Variants in SEPTIN9 observed in about 807,000 individuals in gnomAD.
SEPTIN9 encodes septin-9.
In SEPTIN9, 13 loss-of-function variants were observed where a neutral mutation model predicts 56.6. That is an observed-to-expected ratio of 0.23 (90% CI 0.15 to 0.37). SEPTIN9 has a LOEUF of 0.37. SEPTIN9 is among the 10% of genes least tolerant of loss of function. SEPTIN9 has a pLI of 1.00. For missense variants in SEPTIN9, 650 were observed against 823.1 expected (o/e 0.79, Z 2.57); for synonymous variants, 332 against 334.1 (o/e 0.99, Z 0.07).
chr17:77,301,394 TTGTGTGTG>T (rs56947697), intron 1 of SEPTIN9, among the ~76,000 whole-genome samples: 8,057 of 142,440 alleles, frequency 0.057, 249 homozygotes, highest in South Asian at 0.079. Context: ...GGGAATAGAT[TTGTGTGTG>T]TGTGTGTGTG....
intron 3 of SEPTIN9, among the ~76,000 whole-genome samples, chr17:77,441,311 C>T (rs1468129982): frequency 6.6e-6 from 1 of 152,236 alleles, no homozygotes; most frequent in East Asian, 1.9e-4. Context: ...TGCCAGATAG[C>T]CTGAGCAGCC....
At chr17:77,350,515 C>T (rs975566731) in intron 2 of SEPTIN9, among the ~76,000 whole-genome samples, 7 of 152,130 alleles carry the variant, frequency 4.6e-5, no homozygotes, top group African/African-American at 1.4e-4. Context: ...CTTCCAGTAA[C>T]GCAGACTTCT....
chr17:77,378,723 C>T (rs1308249144), intron 2 of SEPTIN9, among the ~76,000 whole-genome samples: 1 of 152,156 alleles, frequency 6.6e-6, no homozygotes, highest in African/African-American at 2.4e-5. Context: ...CTCAGGCTCC[C>T]AGTGCAGCCA....
intron 3 of SEPTIN9, among the ~76,000 whole-genome samples, chr17:77,461,475 A>T (rs1239646634): frequency 1.3e-5 from 2 of 152,040 alleles, no homozygotes; most frequent in Non-Finnish European, 2.9e-5. Context: ...ATGTTCCTAG[A>T]CTCGGGCTGG....
rs148824139 is a variant in SEPTIN9 at position 77,449,763 on chromosome 17, C to G, written c.722-32381C>G. On this transcript the variant is annotated intron_variant, in intron 3 of 11. Transcript: ENST00000427177. This position sits in a 1 kb window ranked among gnomAD's most constrained non-coding sequence, Gnocchi z 4.6. ...CAGTGGAAAAGACAGGCTCTTCTCA[C>G]TCCCAGTGCTGGGGAAATTAGCTTC... 8.6e-3 allele frequency among the ~76,000 whole-genome samples: 1,309 copies of G among 152,280 alleles called. 25 individuals are homozygous for G. Among genetic ancestry groups the G allele is most frequent in the South Asian group, 0.059 (283 of 4,824 alleles).
chr17:77,475,782 A>C lies in SEPTIN9; in HGVS notation c.722-6362A>C, dbSNP rs1242237922. 1.2e-6 allele frequency: 2 copies of C among 1,613,274 alleles called. No homozygotes were observed. The highest frequency in any genetic ancestry group is 1.3e-5 in the African/African-American group (1 of 75,056). ...CTGGACACGGGCCTGGAAGGCTGAC[A>C]GGGTGTGGTGAGTGCCACCGGCTCC... On this transcript the variant is annotated intron_variant, in intron 3 of 11. Transcript: ENST00000427177. The surrounding 1 kb of genome is among the most constrained non-coding windows in gnomAD (Gnocchi z 4.6).
chr17:77,376,342 G>A lies in SEPTIN9; in HGVS notation c.77-25717G>A, dbSNP rs115026544. On this transcript the variant is annotated intron_variant, in intron 2 of 11. Transcript: ENST00000427177. ...TGGGAATGGGCGCAGGAGCAGCGCCGTGGGAGCACAGGTCTCTTTCCCGGG... is the reference window on the plus strand; with the variant it reads ...TGGGAATGGGCGCAGGAGCAGCGCCATGGGAGCACAGGTCTCTTTCCCGGG... The A allele has an allele frequency of 1.3e-3, 1,322 of 985,724 alleles. 12 individuals carry two copies. In the African/African-American group the frequency reaches 0.019, roughly 14 times the overall value. 61.1% of individuals were successfully genotyped at this position (985,724 alleles called of 1,614,324 possible).
rs1180250161 is a variant in SEPTIN9 at position 77,395,190 on chromosome 17, A to G, written c.77-6869A>G. Among the ~76,000 whole-genome samples the G allele has an allele frequency of 2.0e-5, 3 of 151,882 alleles. No individual in the cohort carries two copies. In the East Asian group the frequency reaches 5.8e-4, roughly 29 times the overall value. ...CAGGTTCCCAAAGTGCTGGGATTAT[A>G]GGTGTGAGCCACCATGCCCAGCCAG... is the stretch of plus-strand genomic sequence containing the variant. On this transcript the variant is annotated intron_variant, in intron 2 of 11. Coordinates refer to ENST00000427177, the MANE Select transcript of SEPTIN9 (RefSeq NM_001113491.2).
At chr17:77,491,805 CAAAAAAAAAAA>C (rs35233871) in intron 8 of SEPTIN9, among the ~76,000 whole-genome samples, 2 of 59,586 alleles carry the variant, frequency 3.4e-5, no homozygotes, top group Non-Finnish European at 6.3e-5. Context: ...GACTCCATCT[CAAAAAAAAAAA>C]AAAAAAAAAA....
At chr17:77,297,946 G>A (rs2031887853) in intron 1 of SEPTIN9, among the ~76,000 whole-genome samples, 2 of 152,208 alleles carry the variant, frequency 1.3e-5, no homozygotes, top group Admixed American at 1.3e-4. Flanking sequence ...AGCCAGCAGT[G>A]CAAGGACTAG....
intron 1 of SEPTIN9, among the ~76,000 whole-genome samples, chr17:77,297,030 G>A (rs568275143): frequency 1.1e-4 from 16 of 152,264 alleles, no homozygotes; most frequent in African/African-American, 3.9e-4. Flanking sequence ...GGATGGGTGG[G>A]TAGATAGGCA....
chr17:77,498,934 G>T lies in SEPTIN9; in HGVS notation c.*276G>T, dbSNP rs2143495146. The T allele has an allele frequency of 3.6e-6, 2 of 562,350 alleles. No homozygotes were observed. Among genetic ancestry groups the T allele is most frequent in the South Asian group, 3.1e-5 (2 of 65,478 alleles). 34.8% of individuals were successfully genotyped at this position (562,350 alleles called of 1,614,324 possible). On this transcript the variant is annotated 3_prime_UTR_variant, in exon 12 of 12. Coordinates refer to ENST00000427177, the MANE Select transcript of SEPTIN9 (RefSeq NM_001113491.2). ...GACATGACCCTCTGTCCCCAGGCCT[G>T]GCTCCCCGAGGGCTCAGAAGAGCAG...
chr17:77,402,424 C>G lies in SEPTIN9; in HGVS notation c.442C>G (p.Arg148Gly), dbSNP rs544797046. The G allele has an allele frequency of 1.2e-6, 2 of 1,610,472 alleles. No homozygotes were observed. The highest frequency in any genetic ancestry group is 1.3e-5 in the African/African-American group (1 of 74,976). ...LGHKTPEPAPRRTEITIVKPQ... is the reference protein window; with the variant it reads ...LGHKTPEPAPGRTEITIVKPQ... ...CCACAAGACGCCAGAACCGGCCCCT[C>G]GGAGGACGGAGATCACCATCGTCAA... Residue 148 changes from arginine (R) to glycine (G), a missense_variant, in exon 3 of 12, where the codon CGG (arginine) becomes GGG (glycine). Physicochemically the swap from Arg to Gly is moderately radical, Grantham distance 125 (BLOSUM62 -2). Transcript: ENST00000427177. This position sits in a 1 kb window ranked among gnomAD's most constrained non-coding sequence, Gnocchi z 6.6.
intron 1 of SEPTIN9, among the ~76,000 whole-genome samples, chr17:77,284,267 C>T (rs1247619418): frequency 6.6e-6 from 1 of 152,180 alleles, no homozygotes; most frequent in African/African-American, 2.4e-5. Context: ...ATAGACACGG[C>T]ACTCCAGCCT....
chr17:77,355,981 C>CAAAAAAAA (rs766969712), intron 2 of SEPTIN9, among the ~76,000 whole-genome samples: 5 of 92,396 alleles, frequency 5.4e-5, no homozygotes, highest in Admixed American at 2.4e-4. Flanking sequence ...GACTCCGTCT[C>CAAAAAAAA]AAAAAAAAAA....
intron 2 of SEPTIN9, among the ~76,000 whole-genome samples, chr17:77,338,797 T>C (rs1386066794): frequency 1.3e-5 from 2 of 152,258 alleles, no homozygotes; most frequent in Non-Finnish European, 2.9e-5. Flanking sequence ...CGCATTATGT[T>C]TGATAGCATC....
intron 2 of SEPTIN9, among the ~76,000 whole-genome samples, chr17:77,309,049 A>G (rs1262562624): frequency 6.6e-6 from 1 of 152,166 alleles, no homozygotes; most frequent in Non-Finnish European, 1.5e-5. Flanking sequence ...GTTTCTGGGG[A>G]GCTTTTCTCC....
intron 2 of SEPTIN9, among the ~76,000 whole-genome samples, chr17:77,395,486 G>C (rs1047778530): frequency 1.4e-5 from 2 of 148,122 alleles, no homozygotes; most frequent in Admixed American, 1.4e-4. Flanking sequence ...CCGAGATTGC[G>C]CCACTGCACT....
intron 3 of SEPTIN9, among the ~76,000 whole-genome samples, chr17:77,439,005 T>C (rs1279594010): frequency 6.6e-6 from 1 of 152,136 alleles, no homozygotes; most frequent in Non-Finnish European, 1.5e-5. Context: ...GCTGGACACA[T>C]GTTTCCTTTT....
Sources: gnomAD v4.1 joint callset for allele counts (sites outside exome capture counted in the v4.1 genomes callset) on GRCh38, gnomAD v4.1.1 for gene constraint, Gnocchi (gnomAD v3.1) non-coding constraint, MANE v1.5 for transcripts, NCBI Gene and HGNC (gene_info 2026-07-23, HGNC 2026-07-21) for gene names.